The following LGSN variants were observed in gnomAD, a reference collection of about 807,000 sequenced individuals.
LGSN encodes the protein lengsin.
Under a neutral mutation model 19.5 loss-of-function variants are expected in LGSN, and 21 were observed. That is an observed-to-expected ratio of 1.07 (90% CI 0.76 to 1.55). LGSN has a LOEUF of 1.55. LGSN is among the 40% of genes most tolerant of loss of function. The pLI, the probability that LGSN is intolerant of heterozygous loss-of-function variation, is 0.00. For synonymous variants in LGSN, 257 were observed against 215.6 expected (o/e 1.19, Z -1.68); for missense variants, 673 against 608.5 (o/e 1.11, Z -1.12).
chr6:63,347,871 C>T, the LGSN span, among the ~76,000 whole-genome samples: 1 of 152,154 alleles, frequency 6.6e-6, no homozygotes, highest in African/African-American at 2.4e-5. Context: ...ATATATGACT[C>T]ATACAGCAGA....
chr6:63,335,054 A>T, the LGSN span, among the ~76,000 whole-genome samples: 583 of 151,834 alleles, frequency 3.8e-3, 4 homozygotes, highest in Non-Finnish European at 6.9e-3. Context: ...GAGGCAGGAG[A>T]ATCACTTGAA....
At position 63,291,250 on chromosome 6, in the gene LGSN, T is replaced by C. The variant is rs571909228; in HGVS notation, c.163+3663A>G. On this transcript the variant is annotated intron_variant, in intron 2 of 3. Transcript: ENST00000370657. ...TTTAGTTTTGCCATCCACGGACGGC[T>C]GTTAACCAGCTCAGTGGAAATTCCG... Among the ~76,000 whole-genome samples the C allele has an allele frequency of 1.2e-4, 19 of 152,290 alleles. No individual in the cohort carries two copies. The South Asian group carries it at 3.9e-3, about 32-fold the overall frequency.
chr6:63,329,613 C>A, the LGSN span, among the ~76,000 whole-genome samples: 17 of 152,298 alleles, frequency 1.1e-4, no homozygotes, highest in Middle Eastern at 3.4e-3. Flanking sequence ...GTTGTGGGAT[C>A]TTTTAACCTG....
chr6:63,496,489 G>A, the LGSN span, among the ~76,000 whole-genome samples: 1 of 152,166 alleles, frequency 6.6e-6, no homozygotes, highest in Admixed American at 6.5e-5. Flanking sequence ...CAAGGGAGTG[G>A]CAATAACTTA....
At chr6:63,529,217 G>GTGTATATATATATATGTAT in the LGSN span, among the ~76,000 whole-genome samples, 2 of 146,586 alleles carry the variant, frequency 1.4e-5, no homozygotes, top group African/African-American at 5.0e-5. Context: ...ATATATATTT[G>GTGTATATATATATATGTAT]CTAATAACTT....
the LGSN span, chr6:63,394,909 C>T: frequency 6.5e-6 from 1 of 152,756 alleles, no homozygotes; most frequent in Non-Finnish European, 1.5e-5. Flanking sequence ...GTGCCTACAG[C>T]TGAGGGTTTC....
At chr6:63,491,883 G>T in the LGSN span, among the ~76,000 whole-genome samples, 3 of 152,186 alleles carry the variant, frequency 2.0e-5, no homozygotes, top group East Asian at 5.8e-4. Context: ...CAAAAAATTA[G>T]CCGGGCGTAG....
At chr6:63,365,639 G>T in the LGSN span, among the ~76,000 whole-genome samples, 1 of 152,116 alleles carries the variant, frequency 6.6e-6, no homozygotes, top group Non-Finnish European at 1.5e-5. Flanking sequence ...AACAAAAAAA[G>T]AGAATTTTAG....
chr6:63,326,860 G>A, the LGSN span, among the ~76,000 whole-genome samples: 2 of 152,206 alleles, frequency 1.3e-5, no homozygotes, highest in African/African-American at 4.8e-5. Flanking sequence ...GCAAGCTGAG[G>A]GAGCGGGCTC....
At chr6:63,546,432 G>C in the LGSN span, among the ~76,000 whole-genome samples, 3 of 152,224 alleles carry the variant, frequency 2.0e-5, no homozygotes, top group East Asian at 3.8e-4. Flanking sequence ...TTGGCCGGGT[G>C]CGGTGGCTCA....
chr6:63,480,974 TATATATATATATAC>T, the LGSN span, among the ~76,000 whole-genome samples: 11 of 29,804 alleles, frequency 3.7e-4, no homozygotes, highest in African/African-American at 6.7e-4. Flanking sequence ...TATATATATA[TATATATATATATAC>T]ACACACACAT....
At chr6:63,356,046 T>TAC in the LGSN span, among the ~76,000 whole-genome samples, 1 of 151,890 alleles carries the variant, frequency 6.6e-6, no homozygotes, top group Non-Finnish European at 1.5e-5. Context: ...CGCACATCTA[T>TAC]ATATATATGT....
chr6:63,398,293 G>A, the LGSN span, among the ~76,000 whole-genome samples: 1 of 151,562 alleles, frequency 6.6e-6, no homozygotes, highest in African/African-American at 2.4e-5. Flanking sequence ...GTTATCACAG[G>A]AGATGACAGA....
the LGSN span, among the ~76,000 whole-genome samples, chr6:63,451,451 G>A: frequency 1.3e-5 from 2 of 152,170 alleles, no homozygotes; most frequent in Non-Finnish European, 2.9e-5. Flanking sequence ...GGGCATGGGT[G>A]GAGCTAGAGG....
the LGSN span, among the ~76,000 whole-genome samples, chr6:63,505,553 C>CAAAA: frequency 4.8e-5 from 2 of 41,482 alleles, no homozygotes; most frequent in Non-Finnish European, 7.9e-5. Flanking sequence ...AAGAATCTGT[C>CAAAA]AAAAAAAAAA....
intron 2 of LGSN, among the ~76,000 whole-genome samples, chr6:63,286,848 C>T (rs1767560125): frequency 6.6e-6 from 1 of 152,196 alleles, no homozygotes; most frequent in Non-Finnish European, 1.5e-5. Context: ...ATATGACCTA[C>T]TTCATAGGCT....
the LGSN span, among the ~76,000 whole-genome samples, chr6:63,432,184 A>AAAGGG: frequency 1.3e-3 from 35 of 26,640 alleles, 2 homozygotes; most frequent in African/African-American, 6.8e-3. Context: ...GGAAAGAAAG[A>AAAGGG]AAAGAAAAGA....
At chr6:63,560,582 TA>T in the LGSN span, among the ~76,000 whole-genome samples, 1 of 151,832 alleles carries the variant, frequency 6.6e-6, no homozygotes, top group Non-Finnish European at 1.5e-5. Context: ...GTATTTTTTT[TA>T]AGTAAAGATG....
the LGSN span, among the ~76,000 whole-genome samples, chr6:63,526,805 A>G: frequency 8.6e-4 from 74 of 86,030 alleles, no homozygotes; most frequent in African/African-American, 3.0e-3. Context: ...TCAAAAATGT[A>G]TATATATATA....
Sources: allele counts gnomAD v4.1 joint callset (sites outside exome capture counted in the v4.1 genomes callset), GRCh38; gene constraint gnomAD v4.1.1; transcripts MANE v1.5; gene names NCBI Gene and HGNC (gene_info 2026-07-23, HGNC 2026-07-21).